The following ADAM2 variants were observed in gnomAD, a reference collection of about 807,000 sequenced individuals.
The protein encoded by ADAM2 is disintegrin and metalloproteinase domain-containing protein 2.
A neutral mutation model predicts 99.3 loss-of-function variants in ADAM2; 101 were observed. The observed-to-expected ratio is 1.02, with a 90% CI of 0.87 to 1.20. The LOEUF is 1.20. Ranked by LOEUF, ADAM2 falls within the 50% of genes most tolerant of loss-of-function variation. ADAM2 has a pLI of 0.00. For missense variants in ADAM2, 948 were observed against 878.7 expected, an observed-to-expected ratio of 1.08 and a Z score of -1.00; for synonymous variants, 323 against 287.6, an observed-to-expected ratio of 1.12 and a Z score of -1.25.
In ADAM2 at chr8:39,753,257, G is replaced by A. The variant is rs149381041; in HGVS notation, c.1797+2471C>T. On this transcript the variant is annotated intron_variant, in intron 16 of 20. Transcript: ENST00000265708. ...CTGGAGAAAAGGTGACTCTTGTTAT[G>A]TTTTAGCAAGAAGAGTGGCAGCATT... Among the ~76,000 whole-genome samples, 1,190 of 152,256 alleles carry A rather than the reference G, an allele frequency of 7.8e-3. 12 individuals carry two copies. Among genetic ancestry groups the A allele is most frequent in the South Asian group, 0.017 (81 of 4,826 alleles).
chr8:39,782,594 T>C (rs928625355), intron 10 of ADAM2, among the ~76,000 whole-genome samples: 1 of 152,160 alleles, frequency 6.6e-6, no homozygotes, highest in African/African-American at 2.4e-5. Flanking sequence ...GCAGATTTAC[T>C]TTTCTATTTA....
rs545369673 is a variant in ADAM2, at chr8:39,828,097, A to G, written c.189-3200T>C. On this transcript the variant is annotated intron_variant, in intron 3 of 20. Transcript: ENST00000265708. ...AAACAAGCAGTCTTATAATAGAAAT[A>G]TATTAAGAATTTCTGAGATATATCA... Among the ~76,000 whole-genome samples, 34 of 152,108 alleles carry G rather than the reference A, an allele frequency of 2.2e-4. 2 individuals are homozygous for G. Among genetic ancestry groups the G allele is most frequent in the African/African-American group, 7.9e-4 (33 of 41,568 alleles).
intron 2 of ADAM2, among the ~76,000 whole-genome samples, chr8:39,835,303 G>C (rs1487960127): frequency 6.6e-6 from 1 of 151,982 alleles, no homozygotes; most frequent in African/African-American, 2.4e-5. Context: ...CTTTTCAGCT[G>C]TCTCTGTTCT....
chr8:39,818,411 C>G (rs1805039926), intron 6 of ADAM2, among the ~76,000 whole-genome samples: 1 of 151,978 alleles, frequency 6.6e-6, no homozygotes. Context: ...AACAAACTAA[C>G]ACTGGATGAA....
chr8:39,760,614 G>C (rs1051377907), intron 15 of ADAM2, among the ~76,000 whole-genome samples: 2 of 152,010 alleles, frequency 1.3e-5, no homozygotes, highest in African/African-American at 4.8e-5. Flanking sequence ...GCAGCTACTC[G>C]GGAGGCTGAG....
intron 3 of ADAM2, among the ~76,000 whole-genome samples, chr8:39,828,779 T>G (rs1156296815): frequency 6.6e-6 from 1 of 151,876 alleles, no homozygotes; most frequent in African/African-American, 2.4e-5. Flanking sequence ...TAAAAAAGAT[T>G]ACATTACAGT....
intron 16 of ADAM2, among the ~76,000 whole-genome samples, chr8:39,752,041 C>T (rs423931): frequency 0.58 from 88,212 of 151,810 alleles, 25,836 homozygotes; most frequent in East Asian, 0.86. Context: ...CCATGTTGGC[C>T]AGGCTCATAC....
chr8:39,837,995 C>T, intron 1 of ADAM2, 136 bp downstream of exon 1: 5 of 924,788 alleles, frequency 5.4e-6, no homozygotes, highest in Non-Finnish European at 8.5e-6. Context: ...GCGGCAATGT[C>T]GGGGATGAGC....
intron 6 of ADAM2, among the ~76,000 whole-genome samples, chr8:39,816,899 T>A (rs1170738646): frequency 6.6e-6 from 1 of 152,196 alleles, no homozygotes; most frequent in Non-Finnish European, 1.5e-5. Flanking sequence ...CAGTAATAGA[T>A]GTTATTTATA....
intron 7 of ADAM2, among the ~76,000 whole-genome samples, chr8:39,790,967 T>C (rs1481257631): frequency 6.6e-6 from 1 of 151,726 alleles, no homozygotes; most frequent in East Asian, 1.9e-4. Context: ...AAGAGCAGAG[T>C]GCTCCCCACT....
At chr8:39,779,093 A>G (rs1167608607) in intron 10 of ADAM2, among the ~76,000 whole-genome samples, 1 of 150,420 alleles carries the variant, frequency 6.6e-6, no homozygotes, top group Non-Finnish European at 1.5e-5. Flanking sequence ...CTTTTATTGT[A>G]TTTCCTTTCA....
Position 39,761,212 on chromosome 8 carries a change from CCA to C in ADAM2, c.1575_1576del (p.Cys525TrpfsTer4). ...CTGTGTGTATCCTGAATCACTTATA[CCA>C]CAGTTTCCAGATACATCAGTCTTTG... On this transcript the variant is annotated frameshift_variant, in exon 15 of 21. Transcript: ENST00000265708. LOFTEE classifies it high-confidence loss of function. The C allele has an allele frequency of 6.2e-7, 1 of 1,603,688 alleles. No homozygotes were observed. The highest frequency in any genetic ancestry group is 1.1e-5 in the South Asian group (1 of 89,322).
rs562316010 is a variant in ADAM2, at chr8:39,828,065, T to A, written c.189-3168A>T. Among the ~76,000 whole-genome samples, 89 of 151,906 alleles carry A rather than the reference T, an allele frequency of 5.9e-4. 1 individual carries two copies. Among genetic ancestry groups the A allele is most frequent in the Non-Finnish European group, 1.3e-3 (86 of 67,854 alleles). On this transcript the variant is annotated intron_variant, in intron 3 of 20. Coordinates refer to ENST00000265708, the MANE Select transcript of ADAM2 (RefSeq NM_001464.5). ...ATTTAATGACAAATAAAAACACATATAATTTAAAACAAGCAGTCTTATAAT... is the reference window on the plus strand; with the variant it reads ...ATTTAATGACAAATAAAAACACATAAAATTTAAAACAAGCAGTCTTATAAT...
At chr8:39,776,847 G>A (rs1586083525) in intron 11 of ADAM2, among the ~76,000 whole-genome samples, 178 bp downstream of exon 11, 1 of 152,082 alleles carries the variant, frequency 6.6e-6, no homozygotes, top group African/African-American at 2.4e-5. Context: ...TGTGACATTT[G>A]ATTACAAGTG....
At position 39,769,546 on chromosome 8, in the gene ADAM2, T is replaced by C; in HGVS notation, c.1058A>G (p.Asn353Ser). The C allele has an allele frequency of 1.9e-6, 3 of 1,613,748 alleles. No individual in the cohort carries two copies. The highest frequency in any genetic ancestry group is 2.5e-6 in the Non-Finnish European group (3 of 1,179,706). ...ATGTGCAAAGTCTTCGAAGCTGCAG[T>C]TACTAAAGATCTTCACACCACTGAA... ...IHFSGVKIFS[N>S]CSFEDFAHFI... Residue 353 changes from asparagine (N) to serine (S), a missense_variant, in exon 12 of 21, where the codon AAC becomes AGC. Transcript: ENST00000265708.
intron 6 of ADAM2, among the ~76,000 whole-genome samples, chr8:39,819,446 A>T (rs1805086994): frequency 6.6e-6 from 1 of 152,084 alleles, no homozygotes; most frequent in Non-Finnish European, 1.5e-5. Context: ...TATTGGTGTG[A>T]TGATTAATTT....
intron 7 of ADAM2, among the ~76,000 whole-genome samples, chr8:39,808,868 A>T (rs1387070994): frequency 6.6e-6 from 1 of 152,222 alleles, no homozygotes; most frequent in South Asian, 2.1e-4. Context: ...GTGAGCCGAG[A>T]TCATGCCATT....
At chr8:39,779,485 A>T (rs1563352163) in intron 10 of ADAM2, among the ~76,000 whole-genome samples, 3 of 152,170 alleles carry the variant, frequency 2.0e-5, no homozygotes, top group Admixed American at 6.6e-5. Context: ...AGCTCAGTCC[A>T]GACTAGTATA....
At chr8:39,763,766 G>C (rs544827295) in intron 14 of ADAM2, among the ~76,000 whole-genome samples, 1 of 152,056 alleles carries the variant, frequency 6.6e-6, no homozygotes, top group South Asian at 2.1e-4. Flanking sequence ...AATTCTTTTC[G>C]GCAGTGAAGT....
Sources: allele counts gnomAD v4.1 joint callset (sites outside exome capture counted in the v4.1 genomes callset), GRCh38; gene constraint gnomAD v4.1.1; transcripts MANE v1.5; gene names NCBI Gene and HGNC (gene_info 2026-07-23, HGNC 2026-07-21).